Variants in RELN observed in about 807,000 individuals in gnomAD.
RELN encodes reelin.
In RELN, 108 loss-of-function variants were observed where a neutral mutation model predicts 427.6. The observed-to-expected ratio is 0.25, with a 90% CI of 0.22 to 0.30. The LOEUF (loss-of-function observed/expected upper bound fraction) is 0.30. Among genes scored for constraint, RELN ranks in the 10% least tolerant of loss-of-function variants. The probability of loss-of-function intolerance (pLI) is 1.00; values close to 1 mark genes in which losing one functional copy is unlikely to be tolerated. For synonymous variants in RELN, 1,524 were observed against 1,513.4 expected (o/e 1.01, Z -0.16); for missense variants, 3,715 against 4,302.8 (o/e 0.86, Z 3.82).
intron 61 of RELN, among the ~76,000 whole-genome samples, chr7:103,485,775 C>T (rs1450154396): frequency 6.6e-6 from 1 of 152,112 alleles, no homozygotes; most frequent in Non-Finnish European, 1.5e-5. Context: ...CATCCATCCT[C>T]CATTTCTATT....
At chr7:103,795,178 T>C (rs1792270330) in intron 3 of RELN, among the ~76,000 whole-genome samples, 1 of 152,202 alleles carries the variant, frequency 6.6e-6, no homozygotes, top group Non-Finnish European at 1.5e-5. Context: ...TGCATTGCTT[T>C]GGGCAAAAGA....
intron 46 of RELN, among the ~76,000 whole-genome samples, chr7:103,530,573 A>G (rs2283019): frequency 0.49 from 73,997 of 152,064 alleles, 21,494 homozygotes; most frequent in Non-Finnish European, 0.65. Flanking sequence ...CCTTGCTTCA[A>G]TGCTTGCTAT....
At chr7:103,520,557 T>G (rs911071053) in intron 48 of RELN, among the ~76,000 whole-genome samples, 4 of 152,184 alleles carry the variant, frequency 2.6e-5, no homozygotes, top group African/African-American at 9.7e-5. Context: ...ATTACAGGCG[T>G]GAGCCACCGC....
intron 1 of RELN, among the ~76,000 whole-genome samples, chr7:103,944,782 G>A (rs1796185747): frequency 6.6e-6 from 1 of 152,080 alleles, no homozygotes; most frequent in Non-Finnish European, 1.5e-5. Flanking sequence ...TTGCAGACTG[G>A]GATGTAAGTA....
intron 8 of RELN, among the ~76,000 whole-genome samples, chr7:103,713,471 G>A (rs1789856099): frequency 6.6e-6 from 1 of 152,146 alleles, no homozygotes; most frequent in Non-Finnish European, 1.5e-5. Flanking sequence ...AGATAGAGAT[G>A]AATGGACAAA....
chr7:103,709,046 T>TTGAA (rs1425042309), intron 8 of RELN, among the ~76,000 whole-genome samples: 1 of 152,266 alleles, frequency 6.6e-6, no homozygotes, highest in South Asian at 2.1e-4. Flanking sequence ...CAATGAACAC[T>TTGAA]TGAATGAATG....
At chr7:103,476,144 A>G (rs989711014) in intron 64 of RELN, among the ~76,000 whole-genome samples, 2 of 152,136 alleles carry the variant, frequency 1.3e-5, no homozygotes, top group African/African-American at 4.8e-5. Context: ...TGGACTTGCT[A>G]TAGATGCCTA....
At chr7:103,957,232 T>C (rs943124452) in intron 1 of RELN, among the ~76,000 whole-genome samples, 3 of 152,144 alleles carry the variant, frequency 2.0e-5, no homozygotes, top group Non-Finnish European at 2.9e-5. Flanking sequence ...CTTTTTCAAC[T>C]TGTCTCAGCA....
At chr7:103,678,708 T>C (rs1281632647) in intron 11 of RELN, among the ~76,000 whole-genome samples, 1 of 152,212 alleles carries the variant, frequency 6.6e-6, no homozygotes, top group African/African-American at 2.4e-5. Context: ...TCATGATTCT[T>C]ACATAACAAA....
At chr7:103,913,681 A>C (rs898895747) in intron 2 of RELN, among the ~76,000 whole-genome samples, 2 of 152,178 alleles carry the variant, frequency 1.3e-5, no homozygotes, top group Admixed American at 1.3e-4. Flanking sequence ...CAAATACCCC[A>C]AAAATTAATG....
At chr7:103,938,104 T>C (rs1274330940) in intron 1 of RELN, among the ~76,000 whole-genome samples, 1 of 152,074 alleles carries the variant, frequency 6.6e-6, no homozygotes, top group Admixed American at 6.6e-5. Flanking sequence ...TCACATCACT[T>C]GAGGTCAGGA....
chr7:103,594,322 T>C lies in RELN; in HGVS notation c.3710A>G (p.Gln1237Arg). 6.2e-7 allele frequency: 1 copy of C among 1,612,578 alleles called. No homozygotes were observed. The highest frequency in any genetic ancestry group is 2.2e-5 in the East Asian group (1 of 44,856). Residue 1237 changes from glutamine (Q) to arginine (R), a missense_variant and splice_region_variant, in exon 26 of 65, where the codon CAG (glutamine) becomes CGG (arginine). Gln to Arg is a conservative substitution (Grantham distance 43). This residue lies in a region of RELN where 2,208 missense variants were observed against 2,361.7 expected (regional missense o/e 0.93). Transcript: ENST00000428762. ...TGGAGTTCAGACATAGGAGAATACC[T>C]GAGGTAAAGTTGGATTGATAACTGG... ...IIPVINPTLP[Q>R]NFYEKPAFDY...
At chr7:103,647,997 A>G (rs1158202081) in intron 16 of RELN, among the ~76,000 whole-genome samples, 1 of 152,114 alleles carries the variant, frequency 6.6e-6, no homozygotes, top group Non-Finnish European at 1.5e-5. Context: ...TTGGATGGCC[A>G]TTTGCAGAAG....
At chr7:103,522,838 G>GACACACACACACACAGACACACACAGAC (rs57364287) in intron 47 of RELN, among the ~76,000 whole-genome samples, 2 of 149,606 alleles carry the variant, frequency 1.3e-5, no homozygotes, top group East Asian at 2.1e-4. Flanking sequence ...CAGACACACA[G>GACACACACACACACAGACACACACAGAC]ACACACACAC....
rs888620136 is a variant in RELN, at chr7:103,553,560, T to C, written c.5973A>G (p.Glu1991=). ...AAACAAACACCATAGCTGAATCTTC[T>C]TCACTGTTACACAGGAAAACAACCA... ...YCPYSSKGAP[E]EDSAMVFVSN... is the part of the protein sequence containing the mutation. The change falls in exon 40 of 65, where the codon GAA becomes GAG. Residue 1991 remains glutamate (E), a synonymous_variant. Coordinates refer to ENST00000428762, the MANE Select transcript of RELN (RefSeq NM_005045.4). 8.1e-6 allele frequency: 13 copies of C among 1,613,930 alleles called. No homozygotes were observed. Among genetic ancestry groups the C allele is most frequent in the Middle Eastern group, 1.6e-4 (1 of 6,082 alleles).
At chr7:103,750,167 G>A (rs1263319040) in intron 5 of RELN, among the ~76,000 whole-genome samples, 4 of 152,148 alleles carry the variant, frequency 2.6e-5, no homozygotes, top group East Asian at 1.9e-4. Context: ...TTTAGTAGAC[G>A]GGGTTCCGCC....
chr7:103,600,875 T>G (rs73420642), intron 24 of RELN, among the ~76,000 whole-genome samples: 1 of 152,194 alleles, frequency 6.6e-6, no homozygotes, highest in Non-Finnish European at 1.5e-5. Flanking sequence ...CTATGATACC[T>G]AACACATATG....
At chr7:103,967,918 C>T (rs1676118950) in intron 1 of RELN, among the ~76,000 whole-genome samples, 1 of 152,096 alleles carries the variant, frequency 6.6e-6, no homozygotes, top group Non-Finnish European at 1.5e-5. Context: ...GTGGCCCAGG[C>T]CACTTTCCTG....
chr7:103,562,907 C>T (rs889400757), intron 34 of RELN, among the ~76,000 whole-genome samples: 1 of 152,204 alleles, frequency 6.6e-6, no homozygotes, highest in Non-Finnish European at 1.5e-5. Flanking sequence ...AGACCTCCTA[C>T]TTCTTACCTT....
Sources: allele counts gnomAD v4.1 joint callset (sites outside exome capture counted in the v4.1 genomes callset), GRCh38; gene constraint gnomAD v4.1.1; regional missense constraint gnomAD v4.1.1; transcripts MANE v1.5; gene names NCBI Gene and HGNC (gene_info 2026-07-23, HGNC 2026-07-21).